PARD3: variants seen among roughly 807,000 people sequenced by gnomAD.
PARD3 encodes par-3 family cell polarity regulator, also known as partitioning defective 3 homolog.
In PARD3, 75 loss-of-function variants were observed where a neutral mutation model predicts 155.4. The observed-to-expected ratio is 0.48, with a 90% CI of 0.40 to 0.58. The LOEUF is 0.58. PARD3 is among the 20% of genes least tolerant of loss of function. PARD3 has a pLI of 0.00. For synonymous variants in PARD3, 576 were observed against 610.5 expected (o/e 0.94, Z 0.83); for missense variants, 1,642 against 1,721.7 (o/e 0.95, Z 0.82).
At chr10:34,738,622 C>T (rs1340979540) in intron 1 of PARD3, among the ~76,000 whole-genome samples, 2 of 152,180 alleles carry the variant, frequency 1.3e-5, no homozygotes, top group Non-Finnish European at 2.9e-5. Context: ...CACTCATCGG[C>T]GGTTCCAGCT....
intron 6 of PARD3, 145 bp from the exon 7 acceptor site, chr10:34,399,558 G>A: frequency 1.6e-6 from 1 of 636,470 alleles, no homozygotes; most frequent in Non-Finnish European, 2.8e-6. Flanking sequence ...CAAGTGCATA[G>A]GCATATATAT....
At position 34,374,961 on chromosome 10, in the gene PARD3, A is replaced by G. The variant is rs755527933; in HGVS notation, c.1581T>C (p.Val527=). 1 of 1,613,868 alleles carries G rather than the reference A, an allele frequency of 6.2e-7. No homozygotes were observed. The highest frequency in any genetic ancestry group is 1.7e-5 in the Admixed American group (1 of 59,970). ...VDLVGKSQEE[V]VSLLRSTKME... ...TCTTGGTGCTTCTCAACAGCGAAAC[A>G]ACTTCCTCTTGGGATTTGCCCACTA... Residue 527 remains valine (V), a synonymous_variant, in exon 11 of 25, where the codon GTT becomes GTC. Coordinates refer to ENST00000374788, the MANE Select transcript of PARD3 (RefSeq NM_001184785.2).
intron 2 of PARD3, among the ~76,000 whole-genome samples, chr10:34,616,415 G>A (rs117673061): frequency 1.0e-3 from 154 of 152,186 alleles, no homozygotes; most frequent in South Asian, 5.0e-3. Context: ...GCACATCAAC[G>A]AAATATCTGC....
rs150998245 is a variant in PARD3 at position 34,512,590 on chromosome 10, G to T, written c.403+4389C>A. Among the ~76,000 whole-genome samples, 86 of 152,258 alleles carry T rather than the reference G, an allele frequency of 5.6e-4. 1 individual carries two copies. The East Asian group carries it at 0.013, about 23-fold the overall frequency. ...TCAAATGAAAAATGCTATTTCCAGAGCATAGTCTGGATTGAGAAATGCTGA... is the reference window on the plus strand; with the variant it reads ...TCAAATGAAAAATGCTATTTCCAGATCATAGTCTGGATTGAGAAATGCTGA... On this transcript the variant is annotated intron_variant, in intron 3 of 24. Coordinates refer to ENST00000374788, the MANE Select transcript of PARD3 (RefSeq NM_001184785.2).
At chr10:34,368,577 C>T (rs755133525) in intron 12 of PARD3, among the ~76,000 whole-genome samples, 26 of 151,952 alleles carry the variant, frequency 1.7e-4, no homozygotes, top group Non-Finnish European at 3.5e-4. Context: ...GAGGCTGAGG[C>T]AGGAGAATAG....
intron 1 of PARD3, among the ~76,000 whole-genome samples, chr10:34,788,355 G>A (rs1012263239): frequency 1.3e-5 from 2 of 152,046 alleles, no homozygotes; most frequent in Non-Finnish European, 2.9e-5. Context: ...CCATTAACAT[G>A]GACGACTCTA....
chr10:34,490,996 A>G (rs573481131), intron 3 of PARD3, among the ~76,000 whole-genome samples: 8 of 152,226 alleles, frequency 5.3e-5, no homozygotes, highest in Admixed American at 1.3e-4. Context: ...TTGCTCTAGA[A>G]GAGACAGCAT....
At chr10:34,498,825 C>T (rs2080470097) in intron 3 of PARD3, among the ~76,000 whole-genome samples, 2 of 152,092 alleles carry the variant, frequency 1.3e-5, no homozygotes, top group Admixed American at 1.3e-4. Flanking sequence ...CATTAATACT[C>T]AATTTCCAGC....
At chr10:34,433,622 A>C (rs566347573) in intron 5 of PARD3, among the ~76,000 whole-genome samples, 45 of 152,324 alleles carry the variant, frequency 3.0e-4, no homozygotes, top group Non-Finnish European at 5.7e-4. Context: ...TAATCAAACT[A>C]ACATTCCTTG....
intron 5 of PARD3, among the ~76,000 whole-genome samples, chr10:34,447,015 C>G (rs1298416888): frequency 1.3e-5 from 2 of 152,170 alleles, no homozygotes; most frequent in Non-Finnish European, 2.9e-5. Flanking sequence ...TGAGTACCCA[C>G]CTTGCTTTCT....
intron 7 of PARD3, among the ~76,000 whole-genome samples, chr10:34,384,637 G>C (rs915469250): frequency 2.0e-5 from 3 of 152,142 alleles, no homozygotes; most frequent in Non-Finnish European, 4.4e-5. Flanking sequence ...CAGCTGGCAC[G>C]CTAGCTTAAA....
intron 21 of PARD3, among the ~76,000 whole-genome samples, chr10:34,274,245 T>C (rs1186307372): frequency 1.3e-5 from 2 of 152,348 alleles, no homozygotes; most frequent in East Asian, 3.9e-4. Context: ...CAAATTTAGC[T>C]AAAATTCTAC....
rs374525353 is a variant in PARD3 at position 34,723,691 on chromosome 10, A to G, written c.121-27272T>C. 9.2e-4 allele frequency among the ~76,000 whole-genome samples: 140 copies of G among 152,342 alleles called. 1 individual carries two copies. Among genetic ancestry groups the G allele is most frequent in the African/African-American group, 3.2e-3 (135 of 41,590 alleles). On this transcript the variant is annotated intron_variant, in intron 1 of 24. Coordinates refer to ENST00000374788, the MANE Select transcript of PARD3 (RefSeq NM_001184785.2). ...ATTTTCCACAGCTTGTTCCCCGCCT[A>G]GGGAAAAAGCTCAATCACTTCATAA...
chr10:34,175,795 A>G (rs138986179), intron 22 of PARD3, among the ~76,000 whole-genome samples: 1,938 of 152,318 alleles, frequency 0.013, 14 homozygotes, highest in Non-Finnish European at 0.02. Context: ...TGAGAATTTT[A>G]AAGTAAAATT....
At chr10:34,403,887 T>A (rs1844162231) in intron 5 of PARD3, among the ~76,000 whole-genome samples, 1 of 152,164 alleles carries the variant, frequency 6.6e-6, no homozygotes, top group African/African-American at 2.4e-5. Context: ...AAAATAATCT[T>A]ACACATTACA....
intron 22 of PARD3, among the ~76,000 whole-genome samples, chr10:34,236,223 C>G (rs985418235): frequency 2.4e-4 from 37 of 152,164 alleles, no homozygotes; most frequent in African/African-American, 8.4e-4. Context: ...ATCTACACAG[C>G]CTACTGTCTG....
chr10:34,633,611 T>G (rs929142252), intron 2 of PARD3, among the ~76,000 whole-genome samples: 6 of 152,228 alleles, frequency 3.9e-5, no homozygotes, highest in African/African-American at 1.4e-4. Flanking sequence ...GTATCTTAGC[T>G]ACAGTGAACG....
intron 5 of PARD3, among the ~76,000 whole-genome samples, chr10:34,422,224 T>A (rs1399661067): frequency 2.0e-5 from 3 of 152,184 alleles, no homozygotes; most frequent in African/African-American, 7.2e-5. Flanking sequence ...ATTTACTGTG[T>A]GACCTTTAGC....
chr10:34,478,698 C>T (rs1189215448), intron 3 of PARD3, among the ~76,000 whole-genome samples: 1 of 152,158 alleles, frequency 6.6e-6, no homozygotes, highest in Admixed American at 6.5e-5. Context: ...CATGTGCCAC[C>T]ACGCCCAGCT....
Sources: allele counts gnomAD v4.1 joint callset (sites outside exome capture counted in the v4.1 genomes callset), GRCh38; gene constraint gnomAD v4.1.1; transcripts MANE v1.5; gene names NCBI Gene and HGNC (gene_info 2026-07-23, HGNC 2026-07-21).